Variants in GPC6 observed in about 807,000 individuals in gnomAD.
The protein encoded by GPC6 is glypican 6.
In GPC6, 14 loss-of-function variants were observed where a neutral mutation model predicts 55.2. That is an observed-to-expected ratio of 0.25 (90% CI 0.17 to 0.40). The LOEUF (loss-of-function observed/expected upper bound fraction) is 0.40. GPC6 is among the 10% of genes least tolerant of loss of function. The pLI, the probability that GPC6 is intolerant of heterozygous loss-of-function variation, is 1.00. For synonymous variants in GPC6, 278 were observed against 259.6 expected, an observed-to-expected ratio of 1.07 and a Z score of -0.68; for missense variants, 641 against 708.5, an observed-to-expected ratio of 0.90 and a Z score of 1.08.
chr13:93,924,434 G>A (rs1178985222), intron 3 of GPC6, among the ~76,000 whole-genome samples: 1 of 152,110 alleles, frequency 6.6e-6, no homozygotes, highest in Non-Finnish European at 1.5e-5. Flanking sequence ...TTTATGCTAA[G>A]GAAAAGGAAA....
chr13:93,700,553 A>AGTGCC (rs1419202280), intron 2 of GPC6, among the ~76,000 whole-genome samples: 3 of 152,110 alleles, frequency 2.0e-5, no homozygotes, highest in African/African-American at 7.2e-5. Flanking sequence ...TTAAATGAGG[A>AGTGCC]AAATATTGAT....
intron 3 of GPC6, among the ~76,000 whole-genome samples, chr13:93,995,491 A>G (rs1940335128): frequency 6.6e-6 from 1 of 152,078 alleles, no homozygotes; most frequent in Non-Finnish European, 1.5e-5. Flanking sequence ...CCCAACCACA[A>G]CTATTCTTAA....
chr13:93,684,721 C>G (rs1881984071), intron 2 of GPC6, among the ~76,000 whole-genome samples: 2 of 151,862 alleles, frequency 1.3e-5, no homozygotes, highest in Non-Finnish European at 2.9e-5. Flanking sequence ...TTCTTACATA[C>G]ATGTATTTTA....
intron 2 of GPC6, among the ~76,000 whole-genome samples, chr13:93,819,831 A>G (rs1886982677): frequency 6.6e-6 from 1 of 152,226 alleles, no homozygotes; most frequent in South Asian, 2.1e-4. Flanking sequence ...ACTTTAAAAG[A>G]TATCTTTGGG....
At chr13:93,893,702 A>G (rs1875825285) in intron 3 of GPC6, among the ~76,000 whole-genome samples, 1 of 152,206 alleles carries the variant, frequency 6.6e-6, no homozygotes, top group South Asian at 2.1e-4. Context: ...AAAGGATTCA[A>G]CACAAAAATC....
intron 2 of GPC6, among the ~76,000 whole-genome samples, chr13:93,597,031 GA>G (rs1877787116): frequency 1.0e-5 from 1 of 99,652 alleles, no homozygotes; most frequent in Non-Finnish European, 2.2e-5. Context: ...AAAAAAAAAA[GA>G]AAAGAAAAGA....
chr13:93,676,142 TATATATATATATATATATATATATATAC>T (rs1566481688), intron 2 of GPC6, among the ~76,000 whole-genome samples: 5 of 10,166 alleles, frequency 4.9e-4, no homozygotes, highest in Non-Finnish European at 8.5e-4. Flanking sequence ...TATATATATA[TATATATATATATATATATATATATATAC>T]ATACACACAC....
chr13:93,982,256 C>T (rs549382942), intron 3 of GPC6, among the ~76,000 whole-genome samples: 6 of 152,102 alleles, frequency 3.9e-5, no homozygotes, highest in South Asian at 2.1e-4. Context: ...TGTTAGTCAA[C>T]GTGATTCAAA....
chr13:93,808,587 C>A (rs1886604172), intron 2 of GPC6, among the ~76,000 whole-genome samples: 1 of 152,114 alleles, frequency 6.6e-6, no homozygotes, highest in African/African-American at 2.4e-5. Context: ...TCAAAAAATA[C>A]AAATGCCAGC....
chr13:93,802,328 T>C (rs1389693989), intron 2 of GPC6, among the ~76,000 whole-genome samples: 1 of 152,148 alleles, frequency 6.6e-6, no homozygotes, highest in Non-Finnish European at 1.5e-5. Context: ...TTATTTTTGC[T>C]ATCACTCAGA....
At chr13:94,246,988 G>A (rs1432877772) in intron 4 of GPC6, among the ~76,000 whole-genome samples, 1 of 151,974 alleles carries the variant, frequency 6.6e-6, no homozygotes, top group African/African-American at 2.4e-5. Context: ...CAATCCATGA[G>A]CATCGAATAT....
Position 94,277,072 on chromosome 13 carries a change from A to G in GPC6, c.878-9277A>G, listed in dbSNP as rs12583603. ...CCCACCACAGTGTAAAAGCCTTCCTATGTCCCCACAGCCTCGCCAGCATCT... is the reference window on the plus strand; with the variant it reads ...CCCACCACAGTGTAAAAGCCTTCCTGTGTCCCCACAGCCTCGCCAGCATCT... On this transcript the variant is annotated intron_variant, in intron 4 of 8. Coordinates refer to ENST00000377047, the MANE Select transcript of GPC6 (RefSeq NM_005708.5). Among the ~76,000 whole-genome samples, 393 of 152,238 alleles carry G rather than the reference A, an allele frequency of 2.6e-3. 5 individuals carry two copies. In the East Asian group the frequency reaches 0.038, roughly 15 times the overall value.
intron 2 of GPC6, among the ~76,000 whole-genome samples, chr13:93,592,340 A>G (rs965866652): frequency 6.9e-6 from 1 of 144,332 alleles, no homozygotes; most frequent in Non-Finnish European, 1.5e-5. Context: ...GTGCGCCCCC[A>G]TGCCTGGCTA....
intron 1 of GPC6, among the ~76,000 whole-genome samples, chr13:93,270,429 C>A (rs989305224): frequency 2.0e-5 from 3 of 151,800 alleles, no homozygotes; most frequent in Non-Finnish European, 4.4e-5. Context: ...TATATAATAT[C>A]AAGGGTTCAG....
intron 4 of GPC6, among the ~76,000 whole-genome samples, chr13:94,096,370 A>G (rs1885658003): frequency 6.6e-6 from 1 of 151,976 alleles, no homozygotes; most frequent in African/African-American, 2.4e-5. Flanking sequence ...TTGGGAAAAT[A>G]AGATTCTAGC....
chr13:94,275,750 C>T (rs974477422), intron 4 of GPC6, among the ~76,000 whole-genome samples: 5 of 150,360 alleles, frequency 3.3e-5, no homozygotes, highest in African/African-American at 4.9e-5. Flanking sequence ...AAAAAAAATC[C>T]AACAGTAAAA....
chr13:94,336,634 T>C (rs1000264132), intron 6 of GPC6, among the ~76,000 whole-genome samples: 1 of 152,138 alleles, frequency 6.6e-6, no homozygotes, highest in African/African-American at 2.4e-5. Flanking sequence ...GTGCTCAATA[T>C]AGTGACCTTC....
chr13:94,164,754 A>G (rs766609590), intron 4 of GPC6, among the ~76,000 whole-genome samples: 11 of 152,140 alleles, frequency 7.2e-5, no homozygotes, highest in Non-Finnish European at 1.6e-4. Context: ...TCTGCTACCT[A>G]TGGACAGGGC....
intron 1 of GPC6, among the ~76,000 whole-genome samples, chr13:93,277,117 C>T (rs1343343167): frequency 6.6e-6 from 1 of 152,098 alleles, no homozygotes; most frequent in Admixed American, 6.5e-5. Flanking sequence ...AGCCCTCTGC[C>T]GATTCCTAAA....
Sources: allele counts gnomAD v4.1 joint callset (sites outside exome capture counted in the v4.1 genomes callset), GRCh38; gene constraint gnomAD v4.1.1; transcripts MANE v1.5; gene names NCBI Gene and HGNC (gene_info 2026-07-23, HGNC 2026-07-21).